GPHN: variants seen among roughly 807,000 people sequenced by gnomAD.
GPHN encodes gephyrin.
In GPHN, 17 loss-of-function variants were observed where a neutral mutation model predicts 95.5. That is an observed-to-expected ratio of 0.18 (90% CI 0.12 to 0.27). The LOEUF (loss-of-function observed/expected upper bound fraction) is 0.27, where lower values mean the gene tolerates loss of function less well. Among genes scored for constraint, GPHN ranks in the 10% least tolerant of loss-of-function variants. The pLI is 1.00. For synonymous variants in GPHN, 320 were observed against 322.5 expected (o/e 0.99, Z 0.08); for missense variants, 660 against 978.1 (o/e 0.67, Z 4.34).
At chr14:66,955,480 C>G (rs2068429820) in intron 8 of GPHN, among the ~76,000 whole-genome samples, 1 of 152,066 alleles carries the variant, frequency 6.6e-6, no homozygotes, top group Non-Finnish European at 1.5e-5. Flanking sequence ...TACTTTCATT[C>G]CTGATTTTAG....
chr14:67,377,509 C>T, the GPHN span, among the ~76,000 whole-genome samples: 1 of 152,176 alleles, frequency 6.6e-6, no homozygotes, highest in Admixed American at 6.5e-5. Context: ...GAAACCATTG[C>T]ACAAGAACTA....
At chr14:66,916,478 GTT>G (rs112153181) in intron 6 of GPHN, among the ~76,000 whole-genome samples, 4 of 85,444 alleles carry the variant, frequency 4.7e-5, no homozygotes, top group Non-Finnish European at 7.4e-5. Flanking sequence ...GATGTCCAGA[GTT>G]TTTTTTTTTT....
Position 66,607,374 on chromosome 14 carries a change from G to GT in GPHN, c.65-73724dup, listed in dbSNP as rs748259071. On this transcript the variant is annotated intron_variant, in intron 1 of 22. Transcript: ENST00000478722. ...ATGTGCTGCTGGATTCATTTCGCTA[G>GT]TTTTTTTTTGTATTTTTGTGTTTTT... 1.3e-3 allele frequency among the ~76,000 whole-genome samples: 195 copies of GT among 150,394 alleles called. No homozygotes were observed. In the East Asian group the frequency reaches 0.019, roughly 14 times the overall value.
intron 11 of GPHN, among the ~76,000 whole-genome samples, chr14:67,088,678 A>C (rs1046093771): frequency 1.3e-5 from 2 of 152,246 alleles, no homozygotes; most frequent in Admixed American, 6.5e-5. Context: ...CTTTTAAAGA[A>C]AATCATATTT....
chr14:66,662,173 T>G, intron 1 of GPHN, among the ~76,000 whole-genome samples: 1 of 152,202 alleles, frequency 6.6e-6, no homozygotes, highest in South Asian at 2.1e-4. Flanking sequence ...GTGGCTAGAC[T>G]GCTTCTTTAA....
chr14:66,632,458 G>A (rs910150354), intron 1 of GPHN, among the ~76,000 whole-genome samples: 9 of 145,356 alleles, frequency 6.2e-5, no homozygotes, highest in African/African-American at 2.2e-4. Context: ...TTACAGATTT[G>A]TCTCCATACT....
chr14:67,142,146 G>A (rs988881267), intron 17 of GPHN, among the ~76,000 whole-genome samples: 4 of 152,114 alleles, frequency 2.6e-5, no homozygotes, highest in African/African-American at 9.7e-5. Context: ...GGGAAGAAAG[G>A]GAAAGGAAGA....
chr14:67,426,799 T>C, the GPHN span, among the ~76,000 whole-genome samples: 2 of 152,194 alleles, frequency 1.3e-5, no homozygotes, highest in East Asian at 1.9e-4. Context: ...GGTTTCGAAC[T>C]CCTGACCTCA....
intron 13 of GPHN, 60 bp from the exon 14 acceptor site, chr14:67,110,080 G>T (rs1308883079): frequency 2.7e-6 from 4 of 1,491,400 alleles, no homozygotes; most frequent in Middle Eastern, 1.7e-4. Flanking sequence ...AACATCCTCT[G>T]CAGACTTTTC....
chr14:67,663,332 T>A, the GPHN span: 1 of 622,966 alleles, frequency 1.6e-6, no homozygotes, highest in Non-Finnish European at 2.7e-6. Flanking sequence ...TAAATAACAT[T>A]GTTTTAAATA....
chr14:67,009,798 A>T (rs1211719452), intron 9 of GPHN, among the ~76,000 whole-genome samples: 1 of 151,920 alleles, frequency 6.6e-6, no homozygotes. Context: ...TTTTTTAGAC[A>T]CCCAGGTTGG....
chr14:67,249,098 G>A, the GPHN span, among the ~76,000 whole-genome samples: 1 of 152,064 alleles, frequency 6.6e-6, no homozygotes, highest in African/African-American at 2.4e-5. Flanking sequence ...GAGTAGCTGG[G>A]ATTACAGGCA....
intron 1 of GPHN, among the ~76,000 whole-genome samples, chr14:66,532,449 C>T (rs1465233626): frequency 6.6e-6 from 1 of 152,194 alleles, no homozygotes; most frequent in African/African-American, 2.4e-5. Flanking sequence ...AGGCCTGAAA[C>T]TTTCACAGCA....
chr14:66,631,879 T>C (rs764959734), intron 1 of GPHN, among the ~76,000 whole-genome samples: 25 of 152,178 alleles, frequency 1.6e-4, no homozygotes, highest in Non-Finnish European at 3.1e-4. Context: ...AACAGTTTCC[T>C]ATCATTGCTT....
chr14:66,923,881 G>A (rs1169581365), intron 7 of GPHN, among the ~76,000 whole-genome samples: 11 of 151,676 alleles, frequency 7.3e-5, no homozygotes. Context: ...GCTTACTAAA[G>A]GCTAGTAAGT....
chr14:67,104,752 T>C (rs2077941864), intron 13 of GPHN, among the ~76,000 whole-genome samples: 1 of 152,210 alleles, frequency 6.6e-6, no homozygotes. Context: ...TTTATTAGTC[T>C]AGCTAATGCT....
chr14:67,677,179 G>C, the GPHN span: 116 of 152,180 alleles, frequency 7.6e-4, no homozygotes, highest in African/African-American at 2.7e-3. Flanking sequence ...TCCTTTGGCA[G>C]CATTACTTTT....
intron 19 of GPHN, among the ~76,000 whole-genome samples, chr14:67,163,410 A>G (rs1372842869): frequency 6.6e-6 from 1 of 152,212 alleles, no homozygotes; most frequent in African/African-American, 2.4e-5. Context: ...TCAAACCTAA[A>G]ACCAGCTTTA....
the GPHN span, chr14:67,691,314 C>T: frequency 2.5e-5 from 25 of 1,003,784 alleles, no homozygotes; most frequent in Admixed American, 3.6e-5. Context: ...AGCTGCCTCA[C>T]GCTCAGGCTT....
Sources: allele counts gnomAD v4.1 joint callset (sites outside exome capture counted in the v4.1 genomes callset), GRCh38; gene constraint gnomAD v4.1.1; transcripts MANE v1.5; gene names NCBI Gene and HGNC (gene_info 2026-07-23, HGNC 2026-07-21).